Variants in PTPRT observed in about 807,000 individuals in gnomAD.
The protein encoded by PTPRT is receptor-type tyrosine-protein phosphatase T.
In PTPRT, 56 loss-of-function variants were observed where a neutral mutation model predicts 176.8. That is an observed-to-expected ratio of 0.32 (90% CI 0.26 to 0.40). The LOEUF (loss-of-function observed/expected upper bound fraction) is 0.40, where lower values mean the gene tolerates loss of function less well. Among genes scored for constraint, PTPRT ranks in the 10% least tolerant of loss-of-function variants. The probability of loss-of-function intolerance (pLI) is 1.00; values close to 1 mark genes in which losing one functional copy is unlikely to be tolerated. For synonymous variants in PTPRT, 783 were observed against 739.0 expected (o/e 1.06, Z -0.96); for missense variants, 1,540 against 1,908.2 (o/e 0.81, Z 3.60).
rs150322459 is a variant in PTPRT at position 42,914,733 on chromosome 20, T to A, written c.89-28801A>T. ...CAGCATGGGAGAATTTGGTCGATAA[T>A]TGAAAAAACACATTATCAATACATA... On this transcript the variant is annotated intron_variant, in intron 1 of 30. Transcript: ENST00000373187. 2.8e-4 allele frequency among the ~76,000 whole-genome samples: 43 copies of A among 152,110 alleles called. 2 individuals are homozygous for A. In the South Asian group the frequency reaches 8.9e-3, roughly 32 times the overall value.
At chr20:42,838,746 T>C (rs1275634639) in intron 2 of PTPRT, among the ~76,000 whole-genome samples, 1 of 152,224 alleles carries the variant, frequency 6.6e-6, no homozygotes, top group African/African-American at 2.4e-5. Flanking sequence ...TGGCAGGGAA[T>C]CCAAATTCCA....
At chr20:42,082,636 A>C (rs186975106) in intron 29 of PTPRT, among the ~76,000 whole-genome samples, 3 of 152,232 alleles carry the variant, frequency 2.0e-5, no homozygotes, top group Admixed American at 2.0e-4. Context: ...TCTACTATAC[A>C]CTTTGGTTTA....
At chr20:43,083,676 T>G (rs2011528564) in intron 1 of PTPRT, among the ~76,000 whole-genome samples, 1 of 151,996 alleles carries the variant, frequency 6.6e-6, no homozygotes, top group African/African-American at 2.4e-5. Context: ...TATAATTTAA[T>G]GATTATTATT....
Position 43,092,659 on chromosome 20 carries a change from G to A in PTPRT, c.88+96987C>T, listed in dbSNP as rs2011930118. On this transcript the variant is annotated intron_variant, in intron 1 of 30. Coordinates refer to ENST00000373187, the MANE Select transcript of PTPRT (RefSeq NM_007050.6). The stretch of plus-strand genomic sequence containing the variant: ...AGTGAAAGTGATATCTCACTTCCAC[G>A]TTAAAACATGTGAATTTTGACGCAA... Among the ~76,000 whole-genome samples, 2 of 152,118 alleles carry A rather than the reference G, an allele frequency of 1.3e-5. 1 individual carries two copies. Among genetic ancestry groups the A allele is most frequent in the South Asian group, 4.1e-4 (2 of 4,824 alleles).
chr20:42,426,610 A>C (rs1365598038), intron 9 of PTPRT, among the ~76,000 whole-genome samples: 6 of 152,230 alleles, frequency 3.9e-5, no homozygotes. Context: ...CTAAAAGAGC[A>C]CTGTAGCATG....
At chr20:43,167,559 G>T (rs1600766109) in intron 1 of PTPRT, among the ~76,000 whole-genome samples, 1 of 152,162 alleles carries the variant, frequency 6.6e-6, no homozygotes, top group South Asian at 2.1e-4. Context: ...AATGTGGCTA[G>T]ACTAGTGACT....
intron 7 of PTPRT, among the ~76,000 whole-genome samples, chr20:42,650,675 C>T (rs1354605257): frequency 6.6e-6 from 1 of 152,144 alleles, no homozygotes; most frequent in Non-Finnish European, 1.5e-5. Flanking sequence ...CTTGGCTCTG[C>T]AGGGACAATA....
At chr20:42,364,392 T>G (rs1006429730) in intron 9 of PTPRT, among the ~76,000 whole-genome samples, 2 of 152,212 alleles carry the variant, frequency 1.3e-5, no homozygotes, top group African/African-American at 4.8e-5. Context: ...TGTTGGAGAC[T>G]ACACCATCAA....
chr20:42,269,774 G>T (rs2056899546), intron 13 of PTPRT, among the ~76,000 whole-genome samples: 1 of 152,182 alleles, frequency 6.6e-6, no homozygotes, highest in Admixed American at 6.5e-5. Flanking sequence ...CCCCATAAGG[G>T]GTAGGTGGGA....
chr20:42,940,134 G>A (rs895252323), intron 1 of PTPRT, among the ~76,000 whole-genome samples: 1 of 152,162 alleles, frequency 6.6e-6, no homozygotes, highest in Admixed American at 6.5e-5. Flanking sequence ...AGGATACAGA[G>A]GCTCGAAGTC....
intron 1 of PTPRT, among the ~76,000 whole-genome samples, chr20:42,964,297 T>C (rs937081370): frequency 6.6e-6 from 1 of 152,070 alleles, no homozygotes; most frequent in Admixed American, 6.6e-5. Context: ...AGAGGTTAAA[T>C]TGAAAGCATG....
In PTPRT at chr20:42,828,269, G is replaced by T. The variant is rs188249762; in HGVS notation, c.215-36803C>A. ...TTAGCAAAGAGACTGGTGGCATTTT[G>T]CCCCTGCCCTAGAGATGTATGGAAC... On this transcript the variant is annotated intron_variant, in intron 2 of 30. Coordinates refer to ENST00000373187, the MANE Select transcript of PTPRT (RefSeq NM_007050.6). 5.8e-4 allele frequency among the ~76,000 whole-genome samples: 89 copies of T among 152,302 alleles called. 2 individuals are homozygous for T. The highest frequency in any genetic ancestry group is 1.1e-3 in the Non-Finnish European group (77 of 68,024).
At chr20:43,074,767 A>G (rs1409695907) in intron 1 of PTPRT, among the ~76,000 whole-genome samples, 3 of 152,208 alleles carry the variant, frequency 2.0e-5, no homozygotes, top group Non-Finnish European at 4.4e-5. Flanking sequence ...TCAAGAGTTC[A>G]TTTAATCGAG....
intron 17 of PTPRT, among the ~76,000 whole-genome samples, chr20:42,143,810 A>G (rs561206259): frequency 4.9e-4 from 75 of 152,330 alleles, no homozygotes; most frequent in African/African-American, 1.8e-3. Context: ...TGAAGTCAAT[A>G]TAGAGCACAT....
Position 42,072,794 on chromosome 20 carries a change from A to G in PTPRT, c.*8085T>C. 4.7e-6 allele frequency: 1 copy of G among 214,904 alleles called. No individual in the cohort carries two copies. The highest frequency in any genetic ancestry group is 1.9e-4 in the South Asian group (1 of 5,376). 13.3% of individuals were successfully genotyped at this position (214,904 alleles called of 1,614,324 possible). On this transcript the variant is annotated 3_prime_UTR_variant, in exon 31 of 31. Coordinates refer to ENST00000373187, the MANE Select transcript of PTPRT (RefSeq NM_007050.6). ...AATCTCAGGGTCACAGCTTTATTGTATAGATTTTTTAACACAGCCATGTTA... is the reference window on the plus strand; with the variant it reads ...AATCTCAGGGTCACAGCTTTATTGTGTAGATTTTTTAACACAGCCATGTTA...
intron 1 of PTPRT, among the ~76,000 whole-genome samples, chr20:42,954,431 G>A (rs1361710833): frequency 6.6e-6 from 1 of 152,140 alleles, no homozygotes. Context: ...CAGCATCCCA[G>A]CACCTCTTAT....
At chr20:42,588,419 G>C (rs1304975877) in intron 7 of PTPRT, among the ~76,000 whole-genome samples, 1 of 151,962 alleles carries the variant, frequency 6.6e-6, no homozygotes, top group Non-Finnish European at 1.5e-5. Flanking sequence ...ACTATACCCA[G>C]CCTGGGCAAC....
chr20:42,900,614 T>G (rs1277401040), intron 1 of PTPRT, among the ~76,000 whole-genome samples: 1 of 152,112 alleles, frequency 6.6e-6, no homozygotes, highest in African/African-American at 2.4e-5. Context: ...GGAGATGAAA[T>G]CTGCATGGTG....
At chr20:43,154,973 G>T (rs997855411) in intron 1 of PTPRT, among the ~76,000 whole-genome samples, 2 of 152,084 alleles carry the variant, frequency 1.3e-5, no homozygotes, top group African/African-American at 4.8e-5. Context: ...CTAATCATCA[G>T]GGAAATGCAA....
Sources: gnomAD v4.1 joint callset for allele counts (sites outside exome capture counted in the v4.1 genomes callset) on GRCh38, gnomAD v4.1.1 for gene constraint, MANE v1.5 for transcripts, NCBI Gene and HGNC (gene_info 2026-07-23, HGNC 2026-07-21) for gene names.